Variants in NRXN1 observed in about 807,000 individuals in gnomAD.
NRXN1 encodes neurexin 1, also known as neurexin-1.
In NRXN1, 39 loss-of-function variants were observed where a neutral mutation model predicts 150.9. That is an observed-to-expected ratio of 0.26 (90% CI 0.20 to 0.34). The LOEUF is 0.34. Ranked by LOEUF, NRXN1 falls within the 10% of genes least tolerant of loss-of-function variation. The pLI is 1.00. For synonymous variants in NRXN1, 924 were observed against 757.0 expected (o/e 1.22, Z -3.62); for missense variants, 1,815 against 1,949.9 (o/e 0.93, Z 1.30).
chr2:50,236,731 C>A (rs934496297), intron 18 of NRXN1, 58 bp downstream of exon 18: 4 of 1,539,508 alleles, frequency 2.6e-6, no homozygotes, highest in Middle Eastern at 1.7e-4. Context: ...ATTATAAATT[C>A]TTTACAAAAA....
intron 21 of NRXN1, chr2:49,972,671 C>A (rs1412118382): frequency 2.0e-5 from 3 of 152,176 alleles, no homozygotes; most frequent in Non-Finnish European, 4.4e-5. Context: ...GACAACACAC[C>A]ATTTGTAATC....
At chr2:50,332,507 T>G (rs1479076705) in intron 17 of NRXN1, among the ~76,000 whole-genome samples, 1 of 152,216 alleles carries the variant, frequency 6.6e-6, no homozygotes, top group Non-Finnish European at 1.5e-5. Context: ...CTTCACCTAG[T>G]TGGAGAGATC....
chr2:50,028,225 C>CT (rs1688663701), intron 21 of NRXN1, among the ~76,000 whole-genome samples: 1 of 152,050 alleles, frequency 6.6e-6, no homozygotes, highest in African/African-American at 2.4e-5. Flanking sequence ...CTTTAAAATT[C>CT]TTTTTGTGGA....
chr2:50,289,459 A>G (rs2072626510), intron 17 of NRXN1, among the ~76,000 whole-genome samples: 1 of 152,098 alleles, frequency 6.6e-6, no homozygotes, highest in Non-Finnish European at 1.5e-5. Flanking sequence ...CCACTTATTC[A>G]CTGCCTTTTC....
intron 5 of NRXN1, among the ~76,000 whole-genome samples, chr2:50,685,502 C>T (rs911347918): frequency 2.6e-5 from 4 of 152,082 alleles, no homozygotes; most frequent in Admixed American, 6.6e-5. Flanking sequence ...GGCTTGAAAA[C>T]GAGTCATCTG....
At chr2:50,203,587 T>C (rs542528565) in intron 18 of NRXN1, among the ~76,000 whole-genome samples, 12 of 152,278 alleles carry the variant, frequency 7.9e-5, no homozygotes, top group African/African-American at 2.9e-4. Context: ...CATTTCTATC[T>C]AGACATCATG....
chr2:50,480,639 C>T (rs1267644182), intron 15 of NRXN1, among the ~76,000 whole-genome samples: 1 of 152,134 alleles, frequency 6.6e-6, no homozygotes, highest in Non-Finnish European at 1.5e-5. Flanking sequence ...TGTTTCACTC[C>T]TTCTAGCCTT....
intron 21 of NRXN1, among the ~76,000 whole-genome samples, chr2:50,000,385 G>T (rs896346701): frequency 1.3e-5 from 2 of 152,196 alleles, no homozygotes; most frequent in East Asian, 3.9e-4. Context: ...AAATAAAATT[G>T]TCAATGGAAG....
At chr2:50,817,172 A>G (rs1334296067) in intron 5 of NRXN1, among the ~76,000 whole-genome samples, 1 of 152,120 alleles carries the variant, frequency 6.6e-6, no homozygotes, top group African/African-American at 2.4e-5. Flanking sequence ...AACAGAGTAA[A>G]TATTTTCCCA....
In NRXN1 at chr2:50,082,833, G is replaced by A. The variant is rs144184984; in HGVS notation, c.3718+8490C>T. On this transcript the variant is annotated intron_variant, in intron 19 of 22. Coordinates refer to ENST00000401669, the MANE Select transcript of NRXN1 (RefSeq NM_001330078.2). ...AGACAAAAAAGTACTAGGAGAAATC[G>A]GGAAAGAAGAGGTTTGACTTACATG... 3.6e-5 allele frequency among the ~76,000 whole-genome samples: 5 copies of A among 137,086 alleles called. No homozygotes were observed. In the East Asian group the frequency reaches 6.7e-4, roughly 18 times the overall value. The allele number at this position is 137,086 out of a possible 152,430, so 89.9% of individuals were successfully genotyped here.
At chr2:50,439,510 G>A (rs1031270441) in intron 17 of NRXN1, among the ~76,000 whole-genome samples, 1 of 151,996 alleles carries the variant, frequency 6.6e-6, no homozygotes, top group African/African-American at 2.4e-5. Context: ...CAGATTCCTA[G>A]AAAGTTCTAA....
intron 17 of NRXN1, among the ~76,000 whole-genome samples, chr2:50,326,820 G>T (rs1465947837): frequency 2.0e-5 from 3 of 152,138 alleles, no homozygotes; most frequent in African/African-American, 4.8e-5. Flanking sequence ...CACCTATGGT[G>T]CAATTTACTG....
At chr2:50,922,136 A>C (rs1686135901) in intron 4 of NRXN1, among the ~76,000 whole-genome samples, 1 of 151,898 alleles carries the variant, frequency 6.6e-6, no homozygotes, top group South Asian at 2.1e-4. Context: ...AAGATCACAC[A>C]AAAGAGAGAC....
chr2:50,863,624 C>T (rs1478566704), intron 5 of NRXN1, among the ~76,000 whole-genome samples: 4 of 151,962 alleles, frequency 2.6e-5, no homozygotes, highest in Admixed American at 6.6e-5. Context: ...AAGCTTTTTA[C>T]AGTATTTCTC....
chr2:50,179,160 T>C (rs1274020894), intron 18 of NRXN1, among the ~76,000 whole-genome samples: 2 of 152,146 alleles, frequency 1.3e-5, no homozygotes, highest in Non-Finnish European at 2.9e-5. Context: ...GATATTTTAA[T>C]AATGTCAAGC....
intron 12 of NRXN1, among the ~76,000 whole-genome samples, chr2:50,522,466 T>C (rs1017927639): frequency 6.6e-6 from 1 of 152,186 alleles, no homozygotes; most frequent in African/African-American, 2.4e-5. Flanking sequence ...TCAACATGCA[T>C]TCTTAAACTG....
At chr2:50,570,729 T>TG (rs969917710) in intron 8 of NRXN1, among the ~76,000 whole-genome samples, 24 of 147,526 alleles carry the variant, frequency 1.6e-4, no homozygotes, top group African/African-American at 6.1e-4. Context: ...ATTTATAACA[T>TG]GGCAGTCATG....
chr2:50,551,432 A>G (rs182001877), intron 9 of NRXN1: 1 of 152,370 alleles, frequency 6.6e-6, no homozygotes, highest in East Asian at 1.9e-4. Flanking sequence ...AGTAGAAAAT[A>G]GTTCAGCTGG....
At chr2:50,787,495 G>C (rs562964819) in intron 5 of NRXN1, among the ~76,000 whole-genome samples, 1 of 151,598 alleles carries the variant, frequency 6.6e-6, no homozygotes, top group South Asian at 2.1e-4. Flanking sequence ...CCAGGAGGTA[G>C]AGGTTGCAGT....
Sources: gnomAD v4.1 joint callset for allele counts (sites outside exome capture counted in the v4.1 genomes callset) on GRCh38, gnomAD v4.1.1 for gene constraint, MANE v1.5 for transcripts, NCBI Gene and HGNC (gene_info 2026-07-23, HGNC 2026-07-21) for gene names.